MYO1E: variants seen among roughly 807,000 people sequenced by gnomAD.
MYO1E encodes the protein unconventional myosin-Ie.
Under a neutral mutation model 151.1 loss-of-function variants are expected in MYO1E, and 68 were observed. The ratio of observed to expected loss-of-function variants is 0.45; its 90% CI spans 0.37 to 0.55. The LOEUF (loss-of-function observed/expected upper bound fraction) is 0.55. Ranked by LOEUF, MYO1E falls within the 20% of genes least tolerant of loss-of-function variation. The pLI is 0.00. For synonymous variants in MYO1E, 601 were observed against 501.7 expected (o/e 1.20, Z -2.64); for missense variants, 1,363 against 1,389.3 (o/e 0.98, Z 0.30).
chr15:59,205,358 T>A (rs550007340), intron 15 of MYO1E, 42 bp downstream of exon 15: 1 of 1,582,792 alleles, frequency 6.3e-7, no homozygotes, highest in Middle Eastern at 1.7e-4. Context: ...GAAAATTTCA[T>A]CAAACCTATA....
rs1218907830 is a variant in MYO1E at position 59,141,090 on chromosome 15, G to A, written c.3081-2723C>T. ...ATGTGTCAGCATTTGGTTAATAAGA[G>A]CCATTAGCCTGGATACCAGACGTCA... On this transcript the variant is annotated intron_variant, in intron 26 of 27. Transcript: ENST00000288235. Among the ~76,000 whole-genome samples the A allele has an allele frequency of 2.6e-5, 4 of 152,148 alleles. No individual in the cohort carries two copies. In the East Asian group the frequency reaches 7.7e-4, roughly 29 times the overall value.
At chr15:59,171,683 G>A (rs1377440771) in intron 22 of MYO1E, among the ~76,000 whole-genome samples, 1 of 152,172 alleles carries the variant, frequency 6.6e-6, no homozygotes, top group Non-Finnish European at 1.5e-5. Context: ...GAGCTGTCCG[G>A]AGGCAACCTT....
intron 2 of MYO1E, among the ~76,000 whole-genome samples, chr15:59,268,608 A>T (rs2080269941): frequency 6.6e-6 from 1 of 152,136 alleles, no homozygotes; most frequent in Non-Finnish European, 1.5e-5. Flanking sequence ...TTTTGTTAAA[A>T]TTAACAAGAA....
chr15:59,182,156 C>T (rs2079665545), intron 18 of MYO1E, among the ~76,000 whole-genome samples: 1 of 152,152 alleles, frequency 6.6e-6, no homozygotes, highest in Non-Finnish European at 1.5e-5. Context: ...TGAAAATGTC[C>T]TTTTTATAGA....
intron 22 of MYO1E, among the ~76,000 whole-genome samples, chr15:59,166,337 C>CA (rs2079562623): frequency 6.6e-6 from 1 of 152,226 alleles, no homozygotes; most frequent in Non-Finnish European, 1.5e-5. Context: ...TCCTATGCTG[C>CA]AATTCCTTAC....
chr15:59,228,309 C>T lies in MYO1E; in HGVS notation c.511-719G>A, dbSNP rs550316631. On this transcript the variant is annotated intron_variant, in intron 6 of 27. Coordinates refer to ENST00000288235, the MANE Select transcript of MYO1E (RefSeq NM_004998.4). Reference sequence around the variant, plus strand: ...CCAGCCTGGTCAACATGGTGAAACCCCATCTCTGCTAAAAATACAAAAAAT... The same window carrying T: ...CCAGCCTGGTCAACATGGTGAAACCTCATCTCTGCTAAAAATACAAAAAAT... 4.7e-4 allele frequency among the ~76,000 whole-genome samples: 72 copies of T among 152,096 alleles called. 1 individual carries two copies. In the South Asian group the frequency reaches 0.013, roughly 27 times the overall value.
intron 26 of MYO1E, among the ~76,000 whole-genome samples, chr15:59,149,036 CTGT>C (rs372639842): frequency 2.3e-3 from 305 of 132,792 alleles, no homozygotes; most frequent in African/African-American, 8.8e-3. Flanking sequence ...GGTGGATGAA[CTGT>C]TTTTTTTTTT....
In MYO1E at chr15:59,256,649, G is replaced by A. The variant is rs28472403; in HGVS notation, c.238-271C>T. 2.9e-3 allele frequency among the ~76,000 whole-genome samples: 440 copies of A among 152,168 alleles called. 3 individuals carry two copies. Among genetic ancestry groups the A allele is most frequent in the African/African-American group, 0.01 (418 of 41,498 alleles). On this transcript the variant is annotated intron_variant, in intron 3 of 27. Transcript: ENST00000288235. ...AGGCATATCCATGATTCAGCCTTCC[G>A]GATGTGCCCCGTGTCTTTAGACACT...
chr15:59,171,664 T>C (rs1307699779), intron 22 of MYO1E, among the ~76,000 whole-genome samples: 1 of 152,212 alleles, frequency 6.6e-6, no homozygotes, highest in African/African-American at 2.4e-5. Flanking sequence ...GGGTCCCCCT[T>C]GATTAGAGGA....
chr15:59,319,292 C>G (rs914482723), intron 1 of MYO1E, among the ~76,000 whole-genome samples: 5 of 152,102 alleles, frequency 3.3e-5, no homozygotes, highest in Admixed American at 1.3e-4. Flanking sequence ...GCCTGGGCAA[C>G]AGAGCAAGTC....
intron 1 of MYO1E, among the ~76,000 whole-genome samples, chr15:59,341,034 A>G (rs1169466197): frequency 7.2e-6 from 1 of 139,382 alleles, no homozygotes; most frequent in African/African-American, 2.8e-5. Flanking sequence ...AAAAAAAAAA[A>G]GAAAAAAAAG....
At chr15:59,191,226 C>G (rs774219137) in intron 17 of MYO1E, among the ~76,000 whole-genome samples, 2 of 151,666 alleles carry the variant, frequency 1.3e-5, no homozygotes, top group African/African-American at 2.4e-5. Flanking sequence ...GAGGCCGAGG[C>G]GGGCAAATCA....
intron 1 of MYO1E, among the ~76,000 whole-genome samples, chr15:59,310,776 G>A (rs143274734): frequency 3.9e-4 from 60 of 152,068 alleles, no homozygotes; most frequent in Non-Finnish European, 7.5e-4. Context: ...ACAAGCCTTC[G>A]TGCCCAAATT....
intron 17 of MYO1E, among the ~76,000 whole-genome samples, chr15:59,189,444 G>A (rs1348480116): frequency 6.6e-6 from 1 of 151,716 alleles, no homozygotes. Context: ...TTTCGAGACA[G>A]AGTCTCGCTT....
chr15:59,160,336 C>CGTGT (rs55633634), intron 24 of MYO1E, among the ~76,000 whole-genome samples: 11,542 of 120,072 alleles, frequency 0.096, 663 homozygotes, highest in Middle Eastern at 0.15. Context: ...TGAGGTAGTG[C>CGTGT]GTGTGTGTGT....
intron 26 of MYO1E, among the ~76,000 whole-genome samples, chr15:59,147,554 G>A (rs1434477964): frequency 8.3e-6 from 1 of 119,832 alleles, no homozygotes; most frequent in Non-Finnish European, 1.6e-5. Context: ...CCAGGATCGC[G>A]CCATTGCACT....
At chr15:59,186,041 G>C (rs1412084303) in intron 18 of MYO1E, among the ~76,000 whole-genome samples, 23 of 152,194 alleles carry the variant, frequency 1.5e-4, no homozygotes, top group African/African-American at 5.5e-4. Context: ...CAAATGGGTG[G>C]TGCTATGTGA....
In MYO1E at chr15:59,263,039, C is replaced by A. The variant is rs1272408677; in HGVS notation, c.148-1530G>T. Among the ~76,000 whole-genome samples the A allele has an allele frequency of 2.6e-5, 4 of 151,878 alleles. No homozygotes were observed. In the East Asian group the frequency reaches 7.7e-4, roughly 29 times the overall value. ...ACTTCATGGAGAAAAAAAATCTAAA[C>A]AACACACAGAGACATTCAAAACTGT... On this transcript the variant is annotated intron_variant, in intron 2 of 27. Coordinates refer to ENST00000288235, the MANE Select transcript of MYO1E (RefSeq NM_004998.4).
At chr15:59,323,219 A>T (rs947804912) in intron 1 of MYO1E, among the ~76,000 whole-genome samples, 9 of 151,692 alleles carry the variant, frequency 5.9e-5, no homozygotes, top group Admixed American at 5.9e-4. Context: ...AATGGCAACC[A>T]AAAATGGAAA....
Sources: allele counts gnomAD v4.1 joint callset (sites outside exome capture counted in the v4.1 genomes callset), GRCh38; gene constraint gnomAD v4.1.1; transcripts MANE v1.5; gene names NCBI Gene and HGNC (gene_info 2026-07-23, HGNC 2026-07-21).